The following SPAG16 variants were observed in gnomAD, a reference collection of about 807,000 sequenced individuals.
SPAG16 encodes the protein sperm-associated antigen 16 protein.
SPAG16 carries 86 observed loss-of-function variants against 80.4 expected under a neutral mutation model. The observed-to-expected ratio is 1.07, with a 90% CI of 0.90 to 1.28. The LOEUF (loss-of-function observed/expected upper bound fraction) is 1.28, where lower values mean the gene tolerates loss of function less well. SPAG16 is among the 50% of genes most tolerant of loss of function. The probability of loss-of-function intolerance (pLI) is 0.00; values close to 1 mark genes in which losing one functional copy is unlikely to be tolerated. For missense variants in SPAG16, 870 were observed against 765.3 expected, an observed-to-expected ratio of 1.14 and a Z score of -1.61; for synonymous variants, 294 against 265.9, an observed-to-expected ratio of 1.11 and a Z score of -1.03.
chr2:214,017,202 A>G (rs774213628), intron 13 of SPAG16, among the ~76,000 whole-genome samples: 1 of 152,094 alleles, frequency 6.6e-6, no homozygotes, highest in Non-Finnish European at 1.5e-5. Context: ...TAAAATCAGG[A>G]TGATTTTTTG....
At chr2:213,412,225 C>T (rs745764832) in intron 9 of SPAG16, among the ~76,000 whole-genome samples, 1 of 152,150 alleles carries the variant, frequency 6.6e-6, no homozygotes. Flanking sequence ...ACAAAGCACT[C>T]ACCCTGTCAT....
At chr2:214,395,850 A>G (rs1231784363) in intron 15 of SPAG16, among the ~76,000 whole-genome samples, 1 of 152,168 alleles carries the variant, frequency 6.6e-6, no homozygotes, top group African/African-American at 2.4e-5. Context: ...TGTTGCTGCA[A>G]AGACATAATC....
At chr2:214,079,356 A>T (rs1162822684) in intron 13 of SPAG16, among the ~76,000 whole-genome samples, 2 of 152,206 alleles carry the variant, frequency 1.3e-5, no homozygotes, top group East Asian at 3.8e-4. Context: ...TGCCCTCGAG[A>T]ATAGTAATTT....
In SPAG16 at chr2:213,932,147, CATATATATATATATATATATAT is replaced by C. The variant is rs61264162; in HGVS notation, c.1400+2033_1400+2054del. ...GTCATATATTCTTGGCTTGATACTGCATATATATATATATATATATATATATATATATATATATATATATATA... is the reference window on the plus strand; with the variant it reads ...GTCATATATTCTTGGCTTGATACTGCATATATATATATATATATATATATA... On this transcript the variant is annotated intron_variant, in intron 12 of 15. Transcript: ENST00000331683. 5.6e-3 allele frequency among the ~76,000 whole-genome samples: 170 copies of C among 30,566 alleles called. 5 individuals are homozygous for C. The highest frequency in any genetic ancestry group is 0.011 in the African/African-American group (126 of 11,318). 20.1% of individuals were successfully genotyped at this position (30,566 alleles called of 152,430 possible). A position where few individuals can be genotyped will look rare whatever the true frequency, so the allele number is the denominator to read the frequency against.
intron 15 of SPAG16, among the ~76,000 whole-genome samples, chr2:214,368,134 C>A (rs1248518046): frequency 6.6e-6 from 1 of 152,058 alleles, no homozygotes; most frequent in Admixed American, 6.6e-5. Context: ...CATTAAAATG[C>A]TCTCTATCAG....
At chr2:213,998,912 G>T (rs1322594321) in intron 12 of SPAG16, among the ~76,000 whole-genome samples, 1 of 152,112 alleles carries the variant, frequency 6.6e-6, no homozygotes, top group Non-Finnish European at 1.5e-5. Context: ...ATGATTTAGG[G>T]TATCTGGTGC....
chr2:213,932,159 TA>T (rs1403327543), intron 12 of SPAG16, among the ~76,000 whole-genome samples: 12 of 11,054 alleles, frequency 1.1e-3, no homozygotes, highest in Non-Finnish European at 3.8e-3. Flanking sequence ...TATATATATA[TA>T]TATATATATA....
intron 10 of SPAG16, among the ~76,000 whole-genome samples, chr2:213,697,778 G>C (rs1390974163): frequency 6.6e-6 from 1 of 151,828 alleles, no homozygotes; most frequent in Non-Finnish European, 1.5e-5. Context: ...CTTCTTTCAG[G>C]CCATTTCCTG....
chr2:214,102,261 G>A (rs1462253499), intron 13 of SPAG16, among the ~76,000 whole-genome samples: 2 of 151,930 alleles, frequency 1.3e-5, no homozygotes, highest in South Asian at 2.1e-4. Flanking sequence ...CTTGTGGAGC[G>A]TAATTTTAGA....
At chr2:213,700,383 T>C (rs2125322253) in intron 10 of SPAG16, among the ~76,000 whole-genome samples, 1 of 152,284 alleles carries the variant, frequency 6.6e-6, no homozygotes, top group South Asian at 2.1e-4. Context: ...TGACATAAAT[T>C]ATTTAGGTGT....
intron 15 of SPAG16, among the ~76,000 whole-genome samples, chr2:214,311,268 C>G (rs1207926102): frequency 6.6e-6 from 1 of 152,146 alleles, no homozygotes; most frequent in Admixed American, 6.5e-5. Context: ...CCCCAGGGAC[C>G]TGATGGACCT....
intron 11 of SPAG16, among the ~76,000 whole-genome samples, chr2:213,903,342 T>C (rs2077297999): frequency 6.6e-6 from 1 of 152,328 alleles, no homozygotes; most frequent in African/African-American, 2.4e-5. Context: ...TCTATACATC[T>C]TCTGAAATCT....
At chr2:213,812,702 A>G (rs994345171) in intron 10 of SPAG16, among the ~76,000 whole-genome samples, 1 of 152,168 alleles carries the variant, frequency 6.6e-6, no homozygotes, top group Admixed American at 6.6e-5. Flanking sequence ...TGTTTAACTT[A>G]ATAGCTAACT....
chr2:214,128,702 A>G (rs924057100), intron 14 of SPAG16, among the ~76,000 whole-genome samples: 1 of 151,906 alleles, frequency 6.6e-6, no homozygotes, highest in East Asian at 1.9e-4. Context: ...AGTAGCCTAA[A>G]TTTTCTCATA....
intron 15 of SPAG16, among the ~76,000 whole-genome samples, chr2:214,351,486 G>A (rs1351963381): frequency 6.6e-6 from 1 of 152,024 alleles, no homozygotes; most frequent in Non-Finnish European, 1.5e-5. Context: ...TGGATCACGA[G>A]GTCAGGAGAT....
intron 3 of SPAG16, among the ~76,000 whole-genome samples, chr2:213,298,210 T>C (rs1171632683): frequency 6.6e-6 from 1 of 152,162 alleles, no homozygotes; most frequent in African/African-American, 2.4e-5. Context: ...CAGAATTAAT[T>C]GCATTCTGTT....
intron 6 of SPAG16, among the ~76,000 whole-genome samples, chr2:213,345,638 A>G (rs1339480444): frequency 7.2e-6 from 1 of 138,754 alleles, no homozygotes; most frequent in African/African-American, 2.7e-5. Context: ...TAAATAGGGA[A>G]TCCTTTCCCC....
chr2:213,503,357 T>C (rs2074828797), intron 10 of SPAG16, among the ~76,000 whole-genome samples: 1 of 152,206 alleles, frequency 6.6e-6, no homozygotes, highest in African/African-American at 2.4e-5. Flanking sequence ...CTTTTAGATA[T>C]CTTTATGACA....
chr2:214,342,761 T>G (rs1697794267), intron 15 of SPAG16, among the ~76,000 whole-genome samples: 1 of 152,204 alleles, frequency 6.6e-6, no homozygotes, highest in Non-Finnish European at 1.5e-5. Flanking sequence ...TGGGAACCAC[T>G]GTTCTAGAGG....
Sources: allele counts gnomAD v4.1 joint callset (sites outside exome capture counted in the v4.1 genomes callset), GRCh38; gene constraint gnomAD v4.1.1; transcripts MANE v1.5; gene names NCBI Gene and HGNC (gene_info 2026-07-23, HGNC 2026-07-21).